Variants in FANCD2 observed in about 807,000 individuals in gnomAD.
FANCD2 encodes the protein FA complementation group D2, also known as Fanconi anemia group D2 protein.
Under a neutral mutation model 192.3 loss-of-function variants are expected in FANCD2, and 131 were observed. The observed-to-expected ratio is 0.68, with a 90% CI of 0.59 to 0.79. FANCD2 has a LOEUF of 0.79. FANCD2 is among the 30% of genes least tolerant of loss of function. The pLI is 0.00. For missense variants in FANCD2, 1,508 were observed against 1,701.6 expected (o/e 0.89, Z 2.00); for synonymous variants, 524 against 612.5 (o/e 0.86, Z 2.13).
At chr3:10,095,920 A>G (rs909361862) in intron 41 of FANCD2, among the ~76,000 whole-genome samples, 2 of 124,728 alleles carry the variant, frequency 1.6e-5, no homozygotes, top group South Asian at 4.8e-4. Context: ...CTCGCTTTGT[A>G]GCCCAGGCCG....
At chr3:10,063,713 A>G in intron 20 of FANCD2, 79 bp from the exon 21 acceptor site, 1 of 1,594,708 alleles carries the variant, frequency 6.3e-7, no homozygotes, top group Non-Finnish European at 8.6e-7. Flanking sequence ...AAAGTGAAAA[A>G]ACAGTCTTGA....
rs1256677289 is a variant in FANCD2, at chr3:10,085,881, G to A, written c.3294G>A (p.Leu1098=). 6.2e-7 allele frequency: 1 copy of A among 1,613,542 alleles called. No individual in the cohort carries two copies. Among genetic ancestry groups the A allele is most frequent in the African/African-American group, 1.3e-5 (1 of 74,902 alleles). The change falls in exon 33 of 44, where the codon CTG becomes CTA. Residue 1098 remains leucine (L), a synonymous_variant. Coordinates refer to ENST00000675286, the MANE Select transcript of FANCD2 (RefSeq NM_001018115.3). ...YSALHVLSSR[L]KQGEHSQPLE... is the part of the protein sequence containing the mutation. ...CCCTCCATGTCCTTAGTAGCCGACTGAAACAGGGAGAACACAGCCAGCCTT... is the reference window on the plus strand; with the variant it reads ...CCCTCCATGTCCTTAGTAGCCGACTAAAACAGGGAGAACACAGCCAGCCTT...
chr3:10,098,633 T>C, intron 42 of FANCD2, 87 bp from the exon 43 acceptor site: 1 of 1,507,308 alleles, frequency 6.6e-7, no homozygotes, highest in Non-Finnish European at 9.0e-7. Flanking sequence ...TATCTTCCTT[T>C]GTATTGCCTG....
intron 19 of FANCD2, among the ~76,000 whole-genome samples, chr3:10,061,682 G>A (rs1160324794): frequency 6.6e-5 from 10 of 151,628 alleles, no homozygotes; most frequent in African/African-American, 2.4e-5. Context: ...AAATATGTAC[G>A]AAAAAGAAAA....
At chr3:10,027,039 GT>G (rs2086470109) in intron 1 of FANCD2, among the ~76,000 whole-genome samples, 1 of 152,166 alleles carries the variant, frequency 6.6e-6, no homozygotes, top group Non-Finnish European at 1.5e-5. Context: ...ACCTCAAAAA[GT>G]TTTGTGGGAA....
intron 43 of FANCD2, chr3:10,099,442 A>G: frequency 1.8e-6 from 1 of 553,608 alleles, no homozygotes; most frequent in Non-Finnish European, 2.4e-6. Flanking sequence ...GCACAACATA[A>G]CAAGACCCTA....
intron 7 of FANCD2, among the ~76,000 whole-genome samples, chr3:10,036,939 G>A (rs1040261898): frequency 6.6e-6 from 1 of 151,926 alleles, no homozygotes; most frequent in African/African-American, 2.4e-5. Flanking sequence ...AGGCTTAAGT[G>A]ATCCTCACAC....
intron 43 of FANCD2, 136 bp downstream of exon 43, chr3:10,098,951 C>A (rs559093929): frequency 6.2e-7 from 1 of 1,614,086 alleles, no homozygotes; most frequent in Admixed American, 1.7e-5. Flanking sequence ...CCCTCCATAA[C>A]AGCTTCTGTG....
At chr3:10,039,382 G>T in intron 8 of FANCD2, 25 bp downstream of exon 8, 1 of 1,547,652 alleles carries the variant, frequency 6.5e-7, no homozygotes, top group Non-Finnish European at 8.9e-7. Flanking sequence ...TTTATCTCTT[G>T]AATTTAAAGA....
chr3:10,082,170 G>C (rs1463716078), intron 32 of FANCD2, among the ~76,000 whole-genome samples: 1 of 152,148 alleles, frequency 6.6e-6, no homozygotes, highest in African/African-American at 2.4e-5. Context: ...TTAGTAAATG[G>C]TACCACCAGT....
intron 16 of FANCD2, 111 bp from the exon 17 acceptor site, chr3:10,049,263 T>C (rs1199389575): frequency 8.8e-7 from 1 of 1,134,038 alleles, no homozygotes. Flanking sequence ...TGGGTTTGGG[T>C]TGATTGTGAT....
chr3:10,052,419 T>G lies in FANCD2; in HGVS notation c.1578T>G (p.Pro526=). The G allele has an allele frequency of 6.2e-7, 1 of 1,613,384 alleles. No individual in the cohort carries two copies. The highest frequency in any genetic ancestry group is 8.5e-7 in the Non-Finnish European group (1 of 1,179,586). ...GILDYLDNIS[P]QQIRKLFYVL... is the part of the protein sequence containing the mutation. ...TAGATTATCTGGATAACATATCCCC[T>G]CAGCAAATACGAAAACTCTTCTATG... Residue 526 remains proline (P), a synonymous_variant, in exon 18 of 44, where the codon CCT becomes CCG. Transcript: ENST00000675286.
rs531736672 is a variant in FANCD2, at chr3:10,031,473, G to A, written c.65-1359G>A. Among the ~76,000 whole-genome samples, 8 of 146,316 alleles carry A rather than the reference G, an allele frequency of 5.5e-5. No individual in the cohort carries two copies. The South Asian group carries it at 1.7e-3, about 31-fold the overall frequency. On this transcript the variant is annotated intron_variant, in intron 2 of 43. Coordinates refer to ENST00000675286, the MANE Select transcript of FANCD2 (RefSeq NM_001018115.3). Reference sequence around the variant, plus strand: ...GCCAAGATCGCGCCACTGCACTCCAGCCTGGGCGACAGAGCAAGACTCCAT... The same window carrying A: ...GCCAAGATCGCGCCACTGCACTCCAACCTGGGCGACAGAGCAAGACTCCAT...
chr3:10,030,890 A>T (rs893514932), intron 2 of FANCD2, among the ~76,000 whole-genome samples: 83 of 146,448 alleles, frequency 5.7e-4, no homozygotes, highest in African/African-American at 2.1e-3. Context: ...ACAGAGCAAG[A>T]CTCTTATCTC....
intron 2 of FANCD2, among the ~76,000 whole-genome samples, chr3:10,031,411 A>G (rs1478498217): frequency 1.3e-5 from 2 of 151,364 alleles, no homozygotes. Context: ...CTGAGGCAGG[A>G]GAATGGCATG....
At position 10,046,055 on chromosome 3, in the gene FANCD2, C is replaced by CTTTTTTTTTT. The variant is rs57661428; in HGVS notation, c.1135-519_1135-510dup. 4.1e-4 allele frequency among the ~76,000 whole-genome samples: 51 copies of CTTTTTTTTTT among 124,410 alleles called. 2 individuals are homozygous for CTTTTTTTTTT. Among genetic ancestry groups the CTTTTTTTTTT allele is most frequent in the African/African-American group, 1.4e-3 (43 of 30,340 alleles). 81.6% of individuals were successfully genotyped at this position (124,410 alleles called of 152,430 possible). A position where few individuals can be genotyped will look rare whatever the true frequency, so the allele number is the denominator to read the frequency against. ...ACTTTCATGCATATTGCTCTGTATTCTTTTTTTTTTTTTTTGAGAATGGAA... is the reference window on the plus strand; with the variant it reads ...ACTTTCATGCATATTGCTCTGTATTCTTTTTTTTTTTTTTTTTTTTTTTTTGAGAATGGAA... On this transcript the variant is annotated intron_variant, in intron 14 of 43. Coordinates refer to ENST00000675286, the MANE Select transcript of FANCD2 (RefSeq NM_001018115.3).
chr3:10,081,385 G>C lies in FANCD2; in HGVS notation c.3145G>C (p.Gly1049Arg). Residue 1049 changes from glycine to arginine, a missense_variant, in exon 32 of 44, where the codon GGA becomes CGA. By Grantham distance (125) the Gly-to-Arg change is moderately radical. Coordinates refer to ENST00000675286, the MANE Select transcript of FANCD2 (RefSeq NM_001018115.3). ...AENHGVVDGP[G>R]VKVQEYHIMS... ...GAATCACGGTGTAGTTGATGGACCA[G>C]GAGTGAAAGTTCAGGAGTACCACAT... The C allele has an allele frequency of 3.1e-6, 5 of 1,614,138 alleles. No individual in the cohort carries two copies. Among genetic ancestry groups the C allele is most frequent in the Non-Finnish European group, 4.2e-6 (5 of 1,179,994 alleles).
At chr3:10,051,401 AAAAAAACAAAAAGGAGT>A (rs2087206466) in intron 17 of FANCD2, among the ~76,000 whole-genome samples, 1 of 10,266 alleles carries the variant, frequency 9.7e-5, no homozygotes, top group Non-Finnish European at 1.5e-4. Context: ...AAAAAAAAAA[AAAAAAACAAAAAGGAGT>A]GAGGGATTTA....
chr3:10,043,958 T>G (rs2086933316), intron 14 of FANCD2, 94 bp downstream of exon 14: 4 of 1,040,026 alleles, frequency 3.8e-6, no homozygotes, highest in South Asian at 1.3e-5. Flanking sequence ...TTCTCCCCCC[T>G]CCAGTCACTC....
Sources: gnomAD v4.1 joint callset for allele counts (sites outside exome capture counted in the v4.1 genomes callset) on GRCh38, gnomAD v4.1.1 for gene constraint, MANE v1.5 for transcripts, NCBI Gene and HGNC (gene_info 2026-07-23, HGNC 2026-07-21) for gene names.